Variants in MAML1 observed in about 807,000 individuals in gnomAD.
MAML1 encodes the protein mastermind-like protein 1.
Under a neutral mutation model 77.1 loss-of-function variants are expected in MAML1, and 14 were observed. That is an observed-to-expected ratio of 0.18 (90% CI 0.12 to 0.28). The LOEUF (loss-of-function observed/expected upper bound fraction) is 0.28. Among genes scored for constraint, MAML1 ranks in the 10% least tolerant of loss-of-function variants. The pLI, the probability that MAML1 is intolerant of heterozygous loss-of-function variation, is 1.00. For synonymous variants in MAML1, 516 were observed against 551.9 expected (o/e 0.93, Z 0.91); for missense variants, 1,217 against 1,327.8 (o/e 0.92, Z 1.30).
intron 1 of MAML1, among the ~76,000 whole-genome samples, chr5:179,764,744 T>C (rs1779782664): frequency 6.6e-6 from 1 of 151,648 alleles, no homozygotes; most frequent in African/African-American, 2.4e-5. Flanking sequence ...GGTGAATCAC[T>C]TGAGGCCAGG....
chr5:179,767,037 A>G (rs1779833676), intron 2 of MAML1, among the ~76,000 whole-genome samples: 1 of 148,142 alleles, frequency 6.8e-6, no homozygotes, highest in African/African-American at 2.5e-5. Context: ...AAATTAAGTA[A>G]TTTGCGACTG....
Position 179,733,044 on chromosome 5 carries a change from G to T in MAML1, c.-69G>T. The T allele has an allele frequency of 9.9e-7, 1 of 1,006,776 alleles. No individual in the cohort carries two copies. The highest frequency in any genetic ancestry group is 1.3e-6 in the Non-Finnish European group (1 of 786,044). The allele number at this position is 1,006,776 out of a possible 1,614,324, so 62.4% of individuals were successfully genotyped here. A position where few individuals can be genotyped will look rare whatever the true frequency, so the allele number is the denominator to read the frequency against. Reference sequence around the variant, plus strand: ...AGGCGGAGAGGGGTAGCCGCGGGGAGCGAAGCCCGCAGTGCCAGCCGGCCC... The same window carrying T: ...AGGCGGAGAGGGGTAGCCGCGGGGATCGAAGCCCGCAGTGCCAGCCGGCCC... On this transcript the variant is annotated 5_prime_UTR_variant, in exon 1 of 5. Coordinates refer to ENST00000292599, the MANE Select transcript of MAML1 (RefSeq NM_014757.5).
rs891980148 is a variant in MAML1 at position 179,765,408 on chromosome 5, T to A, written c.398T>A (p.Leu133His). The change falls in exon 2 of 5, where the codon CTC (leucine) becomes CAC (histidine). Residue 133 changes from leucine to histidine, a missense_variant. By Grantham distance (99) the Leu-to-His change is moderately conservative. Transcript: ENST00000292599. ...NGDQQNGYGD[L>H]FPGHKKTRRE... ...GATCAACAGAATGGCTACGGGGACC[T>A]CTTTCCTGGGCATAAGAAGACTCGC... 1.4e-5 allele frequency: 22 copies of A among 1,614,066 alleles called. No individual in the cohort carries two copies. The highest frequency in any genetic ancestry group is 1.8e-5 in the Non-Finnish European group (21 of 1,180,034).
chr5:179,768,705 C>T lies in MAML1; in HGVS notation c.1732-145C>T, dbSNP rs190992911. 3.8e-6 allele frequency: 4 copies of T among 1,053,838 alleles called. No homozygotes were observed. In the Admixed American group the frequency reaches 8.7e-5, roughly 23 times the overall value. 65.3% of individuals were successfully genotyped at this position (1,053,838 alleles called of 1,614,324 possible). A position where few individuals can be genotyped will look rare whatever the true frequency, so the allele number is the denominator to read the frequency against. On this transcript the variant is annotated intron_variant, in intron 2 of 4. Transcript: ENST00000292599. Reference sequence around the variant, plus strand: ...GATGTCATCACTTTTGGTCTGTGCTCCAGCCCTGTGGGATGGTTGTTATTC... The same window carrying T: ...GATGTCATCACTTTTGGTCTGTGCTTCAGCCCTGTGGGATGGTTGTTATTC...
intron 1 of MAML1, among the ~76,000 whole-genome samples, chr5:179,746,158 C>T (rs1779376975): frequency 6.7e-6 from 1 of 150,258 alleles, no homozygotes; most frequent in Admixed American, 6.7e-5. Context: ...CTAACCTGGC[C>T]CACATGGCGA....
In MAML1 at chr5:179,771,167, C is replaced by T; in HGVS notation, c.1992C>T (p.Arg664=). 1 of 1,614,108 alleles carries T rather than the reference C, an allele frequency of 6.2e-7. No individual in the cohort carries two copies. The highest frequency in any genetic ancestry group is 1.1e-5 in the South Asian group (1 of 91,078). ...LAEQEKQQFQ[R]HLTRPPPQYQ... ...TCTAGGAGAAGCAACAGTTTCAGCGCCATCTGACCCGCCCACCACCCCAGT... is the reference window on the plus strand; with the variant it reads ...TCTAGGAGAAGCAACAGTTTCAGCGTCATCTGACCCGCCCACCACCCCAGT... Residue 664 remains arginine (R), a synonymous_variant, in exon 4 of 5, where the codon CGC becomes CGT. Transcript: ENST00000292599. The surrounding 1 kb of genome is among the most constrained non-coding windows in gnomAD (Gnocchi z 4.7).
rs778037203 is a variant in MAML1, at chr5:179,768,895, G to A, written c.1777G>A (p.Val593Ile). The A allele has an allele frequency of 5.6e-6, 9 of 1,614,180 alleles. No homozygotes were observed. The highest frequency in any genetic ancestry group is 5.9e-6 in the Non-Finnish European group (7 of 1,180,038). Residue 593 changes from valine to isoleucine, a missense_variant, in exon 3 of 5, where the codon GTT becomes ATT. Physicochemically the swap from Val to Ile is conservative, Grantham distance 29. This residue lies in a region of MAML1 where 884 missense variants were observed against 949.3 expected (regional missense o/e 0.93). Coordinates refer to ENST00000292599, the MANE Select transcript of MAML1 (RefSeq NM_014757.5). Reference protein sequence around the residue: ...SVPVQAQATSVGTQPPAVSVA... With the variant: ...SVPVQAQATSIGTQPPAVSVA... Reference sequence around the variant, plus strand: ...CCCTGTGCAAGCCCAGGCTACCAGTGTTGGGACCCAGCCGCCTGCCGTGTC... The same window carrying A: ...CCCTGTGCAAGCCCAGGCTACCAGTATTGGGACCCAGCCGCCTGCCGTGTC...
At chr5:179,749,404 A>G in intron 1 of MAML1, among the ~76,000 whole-genome samples, 1 of 151,746 alleles carries the variant, frequency 6.6e-6, no homozygotes, top group East Asian at 1.9e-4. Flanking sequence ...GGGATTACAG[A>G]CGTGAGCCAC....
intron 1 of MAML1, among the ~76,000 whole-genome samples, chr5:179,764,531 A>T (rs556822937): frequency 6.6e-6 from 1 of 152,042 alleles, no homozygotes; most frequent in African/African-American, 2.4e-5. Flanking sequence ...ATGGTGGCAC[A>T]TGCCTGTAAT....
At chr5:179,735,094 C>G (rs1407770869) in intron 1 of MAML1, among the ~76,000 whole-genome samples, 3 of 152,192 alleles carry the variant, frequency 2.0e-5, no homozygotes, top group African/African-American at 7.2e-5. Flanking sequence ...TTAGTGGGTG[C>G]AGCGCACCAG....
In MAML1 at chr5:179,776,882, G is replaced by A; in HGVS notation, c.*2005G>A. 1.0e-6 allele frequency: 1 copy of A among 985,930 alleles called. No homozygotes were observed. Among genetic ancestry groups the A allele is most frequent in the Non-Finnish European group, 1.2e-6 (1 of 829,962 alleles). The allele number at this position is 985,930 out of a possible 1,614,324, so 61.1% of individuals were successfully genotyped here. On this transcript the variant is annotated 3_prime_UTR_variant, in exon 5 of 5. Transcript: ENST00000292599. ...TATGAACCTGGTTTTCGGGAGTCAG[G>A]GGAGGAGATGACTTTGCTTCTGTGC...
chr5:179,743,513 C>A (rs1367957162), intron 1 of MAML1, among the ~76,000 whole-genome samples: 1 of 151,402 alleles, frequency 6.6e-6, no homozygotes, highest in Admixed American at 6.6e-5. Context: ...ACTACAGGCG[C>A]CCACCACCAC....
intron 1 of MAML1, among the ~76,000 whole-genome samples, chr5:179,733,902 T>C (rs2113325364): frequency 1.3e-5 from 2 of 152,348 alleles, no homozygotes; most frequent in Middle Eastern, 3.4e-3. Flanking sequence ...GTTGACCAAC[T>C]GAAACTCCTC....
Position 179,775,242 on chromosome 5 carries a change from C to T in MAML1, c.*365C>T, listed in dbSNP as rs1562581275. 2.0e-6 allele frequency: 2 copies of T among 1,022,380 alleles called. No homozygotes were observed. Among genetic ancestry groups the T allele is most frequent in the Non-Finnish European group, 2.3e-6 (2 of 854,496 alleles). The allele number at this position is 1,022,380 out of a possible 1,614,324, so 63.3% of individuals were successfully genotyped here. A position where few individuals can be genotyped will look rare whatever the true frequency, so the allele number is the denominator to read the frequency against. On this transcript the variant is annotated 3_prime_UTR_variant, in exon 5 of 5. Transcript: ENST00000292599. ...GCCATCATGGTGATTTTATCCAAGACTGCTCCACTTACCCCAGTGCTGGGG... is the reference window on the plus strand; with the variant it reads ...GCCATCATGGTGATTTTATCCAAGATTGCTCCACTTACCCCAGTGCTGGGG...
At chr5:179,746,242 A>T (rs1257482749) in intron 1 of MAML1, among the ~76,000 whole-genome samples, 1 of 151,864 alleles carries the variant, frequency 6.6e-6, no homozygotes, top group African/African-American at 2.4e-5. Context: ...GCAACTTGGG[A>T]GGCTGAGGCA....
At chr5:179,748,007 G>A (rs1388961586) in intron 1 of MAML1, among the ~76,000 whole-genome samples, 2 of 152,016 alleles carry the variant, frequency 1.3e-5, no homozygotes, top group Non-Finnish European at 2.9e-5. Context: ...AGATAGGGGA[G>A]TTGTTCATGG....
Position 179,769,226 on chromosome 5 carries a change from T to A in MAML1, c.1971+137T>A. ...CCTGTTGTTAGAGTGCTTTGCCTTT[T>A]AAAAACATCTTTCCAGGAATGTGGC... On this transcript the variant is annotated intron_variant, in intron 3 of 4. Transcript: ENST00000292599. This position sits in a 1 kb window ranked among gnomAD's most constrained non-coding sequence, Gnocchi z 4.2. 8.0e-7 allele frequency: 1 copy of A among 1,246,422 alleles called. No individual in the cohort carries two copies. The highest frequency in any genetic ancestry group is 1.1e-6 in the Non-Finnish European group (1 of 899,112). The allele number at this position is 1,246,422 out of a possible 1,614,324, so 77.2% of individuals were successfully genotyped here.
chr5:179,758,634 C>T (rs756172180), intron 1 of MAML1, among the ~76,000 whole-genome samples: 1 of 152,062 alleles, frequency 6.6e-6, no homozygotes, highest in Non-Finnish European at 1.5e-5. Context: ...AAGTGATCCT[C>T]CTGCCTTATC....
chr5:179,764,065 C>G (rs1388972058), intron 1 of MAML1, among the ~76,000 whole-genome samples: 3 of 152,164 alleles, frequency 2.0e-5, no homozygotes, highest in Non-Finnish European at 4.4e-5. Flanking sequence ...AGTCCGTCTT[C>G]TGTCCCCTTC....
Sources: allele counts gnomAD v4.1 joint callset (sites outside exome capture counted in the v4.1 genomes callset), GRCh38; gene constraint gnomAD v4.1.1; regional missense constraint gnomAD v4.1.1; non-coding constraint Gnocchi (gnomAD v3.1); transcripts MANE v1.5; gene names NCBI Gene and HGNC (gene_info 2026-07-23, HGNC 2026-07-21).